The following SREBF2 variants were observed in gnomAD, a reference collection of about 807,000 sequenced individuals.
The protein encoded by SREBF2 is sterol regulatory element-binding protein 2.
In SREBF2, 55 loss-of-function variants were observed where a neutral mutation model predicts 113.1. That is an observed-to-expected ratio of 0.49 (90% confidence interval 0.39 to 0.61). The LOEUF (loss-of-function observed/expected upper bound fraction) is 0.61. Among genes scored for constraint, SREBF2 ranks in the 20% least tolerant of loss-of-function variants. The pLI is 0.00. For missense variants in SREBF2, 1,349 were observed against 1,487.4 expected (o/e 0.91, Z 1.53); for synonymous variants, 593 against 605.7 (o/e 0.98, Z 0.31).
At chr22:41,874,444 A>G (rs994938077) in intron 5 of SREBF2, among the ~76,000 whole-genome samples, 9 of 152,216 alleles carry the variant, frequency 5.9e-5, no homozygotes, top group Non-Finnish European at 8.8e-5. Flanking sequence ...CACATAGAGG[A>G]AACTGATGTT....
chr22:41,891,628 G>C (rs1409264487), intron 11 of SREBF2, among the ~76,000 whole-genome samples: 1 of 152,216 alleles, frequency 6.6e-6, no homozygotes, highest in African/African-American at 2.4e-5. Flanking sequence ...TTAGAGCCCA[G>C]TAAAGGTCAG....
intron 1 of SREBF2, among the ~76,000 whole-genome samples, chr22:41,852,212 G>GAA (rs764047027): frequency 1.3e-5 from 2 of 148,724 alleles, no homozygotes; most frequent in Admixed American, 1.3e-4. Flanking sequence ...GAAAAAACCA[G>GAA]AAAAAAAAAG....
chr22:41,885,045 C>T (rs1001544289), intron 11 of SREBF2, 34 bp downstream of exon 11: 1 of 1,612,292 alleles, frequency 6.2e-7, no homozygotes, highest in Non-Finnish European at 8.5e-7. Flanking sequence ...TGTAAACCTC[C>T]CCTGAGCACT....
In SREBF2 at chr22:41,906,233, TA is replaced by T; in HGVS notation, c.*574del. On this transcript the variant is annotated 3_prime_UTR_variant, in exon 19 of 19. Transcript: ENST00000361204. ...TGAGCCTGCTCATTGTTTTTCCCTT[TA>T]TTACACAGGACAGCCAGGGGAGGAG... 1 of 332,972 alleles carries T rather than the reference TA, an allele frequency of 3.0e-6. No individual in the cohort carries two copies. The highest frequency in any genetic ancestry group is 5.8e-6 in the Non-Finnish European group (1 of 171,186). 20.6% of individuals were successfully genotyped at this position (332,972 alleles called of 1,614,324 possible). A position where few individuals can be genotyped will look rare whatever the true frequency, so the allele number is the denominator to read the frequency against.
intron 11 of SREBF2, 142 bp from the exon 12 acceptor site, chr22:41,892,975 C>T (rs1452716093): frequency 3.0e-6 from 3 of 995,962 alleles, no homozygotes; most frequent in Non-Finnish European, 4.6e-6. Flanking sequence ...CTTTCAGGTA[C>T]CTGTGGGAGT....
intron 1 of SREBF2, among the ~76,000 whole-genome samples, chr22:41,842,735 A>G (rs2076841261): frequency 6.6e-6 from 1 of 152,220 alleles, no homozygotes; most frequent in Non-Finnish European, 1.5e-5. Context: ...CATGCCTATA[A>G]TCCCAGCACT....
chr22:41,857,512 A>G (rs779934521), intron 1 of SREBF2, among the ~76,000 whole-genome samples: 1 of 152,186 alleles, frequency 6.6e-6, no homozygotes, highest in Non-Finnish European at 1.5e-5. Context: ...TTATTTTATT[A>G]TGTAATATTC....
chr22:41,891,486 A>G (rs2077362190), intron 11 of SREBF2: 1 of 152,240 alleles, frequency 6.6e-6, no homozygotes, highest in Admixed American at 6.5e-5. Flanking sequence ...TCTCAGACTC[A>G]GGCAGTGTCT....
chr22:41,865,105 A>G (rs2077062935), intron 1 of SREBF2, among the ~76,000 whole-genome samples: 1 of 151,150 alleles, frequency 6.6e-6, no homozygotes, highest in African/African-American at 2.4e-5. Context: ...TGTCAGATAT[A>G]CAAATATACC....
At chr22:41,852,703 C>T (rs895369750) in intron 1 of SREBF2, among the ~76,000 whole-genome samples, 1 of 141,190 alleles carries the variant, frequency 7.1e-6, no homozygotes, top group African/African-American at 2.6e-5. Context: ...CTTTTTATTC[C>T]AGCCATTCTC....
In SREBF2 at chr22:41,902,954, G is replaced by T; in HGVS notation, c.2908-16G>T. On this transcript the variant is annotated splice_polypyrimidine_tract_variant and intron_variant, in intron 16 of 18. Coordinates refer to ENST00000361204, the MANE Select transcript of SREBF2 (RefSeq NM_004599.4). Reference sequence around the variant, plus strand: ...GCCAGTCACCTGTCTCCCCTCTCTCGTGGCTGACCCCACAGGTGGTCCAGC... The same window carrying T: ...GCCAGTCACCTGTCTCCCCTCTCTCTTGGCTGACCCCACAGGTGGTCCAGC... 6.2e-7 allele frequency: 1 copy of T among 1,606,034 alleles called. No homozygotes were observed. Among genetic ancestry groups the T allele is most frequent in the Non-Finnish European group, 8.5e-7 (1 of 1,176,236 alleles).
At chr22:41,851,161 C>T (rs1324862556) in intron 1 of SREBF2, among the ~76,000 whole-genome samples, 1 of 152,096 alleles carries the variant, frequency 6.6e-6, no homozygotes, top group East Asian at 1.9e-4. Flanking sequence ...AATTTAATTT[C>T]AGTAATATTA....
intron 1 of SREBF2, among the ~76,000 whole-genome samples, chr22:41,859,697 C>T (rs201359479): frequency 5.3e-5 from 8 of 151,184 alleles, no homozygotes; most frequent in Admixed American, 2.0e-4. Context: ...CTCATCAATC[C>T]GTGAGTTAGC....
At chr22:41,896,179 C>T (rs989461785) in intron 13 of SREBF2, among the ~76,000 whole-genome samples, 1 of 151,532 alleles carries the variant, frequency 6.6e-6, no homozygotes, top group Non-Finnish European at 1.5e-5. Flanking sequence ...TGAAATGTGA[C>T]GAGCTCAGCA....
At chr22:41,884,010 G>T (rs569198195) in intron 10 of SREBF2, among the ~76,000 whole-genome samples, 1 of 152,140 alleles carries the variant, frequency 6.6e-6, no homozygotes, top group Non-Finnish European at 1.5e-5. Flanking sequence ...ACCTCTCATA[G>T]GGGAGGGTGT....
intron 13 of SREBF2, among the ~76,000 whole-genome samples, chr22:41,896,654 C>T (rs781302709): frequency 9.2e-5 from 14 of 152,168 alleles, no homozygotes; most frequent in Non-Finnish European, 1.3e-4. Flanking sequence ...CCACCGTGCC[C>T]GGCCCCAAAG....
chr22:41,868,600 C>T lies in SREBF2; in HGVS notation c.539-11C>T, dbSNP rs778069842. On this transcript the variant is annotated splice_polypyrimidine_tract_variant and intron_variant, in intron 2 of 18. Coordinates refer to ENST00000361204, the MANE Select transcript of SREBF2 (RefSeq NM_004599.4). The stretch of plus-strand genomic sequence containing the variant: ...CTCATCTCTGTGCCTTCTTTCTCCT[C>T]TTCTCCCAAGTCCTTCAGCCTCAAG... 45 of 1,614,106 alleles carry T rather than the reference C, an allele frequency of 2.8e-5. No individual in the cohort carries two copies. Among genetic ancestry groups the T allele is most frequent in the Non-Finnish European group, 3.6e-5 (42 of 1,180,042 alleles).
chr22:41,882,270 G>C (rs2148398256), intron 10 of SREBF2, among the ~76,000 whole-genome samples: 1 of 152,276 alleles, frequency 6.6e-6, no homozygotes. Flanking sequence ...TTCTTCCTTG[G>C]GAGTTTGGGT....
chr22:41,853,438 G>A (rs1163561935), intron 1 of SREBF2, among the ~76,000 whole-genome samples: 1 of 152,118 alleles, frequency 6.6e-6, no homozygotes, highest in Non-Finnish European at 1.5e-5. Context: ...CTGTGATTTT[G>A]TCATGTTCCC....
Sources: allele counts gnomAD v4.1 joint callset (sites outside exome capture counted in the v4.1 genomes callset), GRCh38; gene constraint gnomAD v4.1.1; transcripts MANE v1.5; gene names NCBI Gene and HGNC (gene_info 2026-07-23, HGNC 2026-07-21).